Variants in FGD4 observed in about 807,000 individuals in gnomAD.
FGD4 encodes the protein FYVE, RhoGEF and PH domain-containing protein 4.
In FGD4, 42 loss-of-function variants were observed where a neutral mutation model predicts 102.0. That is an observed-to-expected ratio of 0.41 (90% CI 0.32 to 0.53). The LOEUF is 0.53. FGD4 is among the 20% of genes least tolerant of loss of function. The pLI is 0.21. For missense variants in FGD4, 902 were observed against 1,078.2 expected, an observed-to-expected ratio of 0.84 and a Z score of 2.29; for synonymous variants, 380 against 375.7, an observed-to-expected ratio of 1.01 and a Z score of -0.13.
In FGD4 at chr12:32,592,418, GACT is replaced by G. The variant is rs563612834; in HGVS notation, c.1012-6078_1012-6076del. On this transcript the variant is annotated intron_variant, in intron 4 of 16. Coordinates refer to ENST00000534526, the MANE Select transcript of FGD4 (RefSeq NM_001370298.3). ...TTGAAAAGTCAAGCTTTTTTTCTTA[GACT>G]TCAGTAGAAGAAAATGGGATTATAT... Among the ~76,000 whole-genome samples, 65 of 151,508 alleles carry G rather than the reference GACT, an allele frequency of 4.3e-4. 1 individual carries two copies. The South Asian group carries it at 5.4e-3, about 13-fold the overall frequency.
intron 1 of FGD4, among the ~76,000 whole-genome samples, chr12:32,467,051 A>G (rs912141865): frequency 6.6e-6 from 1 of 152,098 alleles, no homozygotes; most frequent in Non-Finnish European, 1.5e-5. Flanking sequence ...TATTTTATTA[A>G]GTAAAAATTC....
chr12:32,417,671 T>C (rs1941471994), intron 1 of FGD4, among the ~76,000 whole-genome samples: 2 of 151,994 alleles, frequency 1.3e-5, no homozygotes, highest in Admixed American at 6.6e-5. Context: ...TTGACCAGGC[T>C]GGTCTCCAAC....
intron 1 of FGD4, among the ~76,000 whole-genome samples, chr12:32,487,657 C>G (rs112595860): frequency 0.16 from 23,672 of 152,140 alleles, 2,046 homozygotes; most frequent in Non-Finnish European, 0.21. Flanking sequence ...GAACTCCGGA[C>G]CTCAAGTGAT....
rs757823878 is a variant in FGD4 at position 32,399,788 on chromosome 12, G to C, written c.-6G>C. 1 of 1,529,938 alleles carries C rather than the reference G, an allele frequency of 6.5e-7. No homozygotes were observed. The highest frequency in any genetic ancestry group is 8.7e-7 in the Non-Finnish European group (1 of 1,145,002). 94.8% of individuals were successfully genotyped at this position (1,529,938 alleles called of 1,614,324 possible). ...GAGTCGGGGAGCGGCGGTCGAGCCC[G>C]GCAGGATGAGCGACGAGGGCGGCTC... On this transcript the variant is annotated 5_prime_UTR_variant, in exon 1 of 17. Transcript: ENST00000534526.
At chr12:32,461,057 T>C (rs1226996914) in intron 1 of FGD4, among the ~76,000 whole-genome samples, 3 of 152,252 alleles carry the variant, frequency 2.0e-5, no homozygotes, top group Non-Finnish European at 4.4e-5. Context: ...AGACATCTTA[T>C]ACATATATGA....
chr12:32,492,360 A>G (rs1305925413), intron 1 of FGD4, among the ~76,000 whole-genome samples: 1 of 152,256 alleles, frequency 6.6e-6, no homozygotes, highest in Non-Finnish European at 1.5e-5. Context: ...TCTTCTGTCA[A>G]AATCATTTCA....
intron 10 of FGD4, among the ~76,000 whole-genome samples, chr12:32,615,095 G>C (rs1416862247): frequency 6.6e-6 from 1 of 152,120 alleles, no homozygotes; most frequent in Non-Finnish European, 1.5e-5. Context: ...TAACTGAATA[G>C]GTAAACAAAA....
Position 32,405,352 on chromosome 12 carries a change from C to T in FGD4, c.166+5393C>T, listed in dbSNP as rs1221855388. The stretch of plus-strand genomic sequence containing the variant: ...TCGGCTCACCACAACCTCCGCCTCC[C>T]GGGTTCAAGCAATTCTCTTGCCTCA... On this transcript the variant is annotated intron_variant, in intron 1 of 16. Coordinates refer to ENST00000534526, the MANE Select transcript of FGD4 (RefSeq NM_001370298.3). 6.6e-5 allele frequency among the ~76,000 whole-genome samples: 10 copies of T among 151,468 alleles called. No individual in the cohort carries two copies. In the East Asian group the frequency reaches 9.7e-4, roughly 15 times the overall value.
At chr12:32,584,260 C>G (rs1946832520) in intron 4 of FGD4, among the ~76,000 whole-genome samples, 1 of 152,206 alleles carries the variant, frequency 6.6e-6, no homozygotes, top group Admixed American at 6.5e-5. Flanking sequence ...GTTAGGATTT[C>G]ATAAGTGTGC....
chr12:32,440,160 A>C (rs1284106412), intron 1 of FGD4, among the ~76,000 whole-genome samples: 1 of 152,134 alleles, frequency 6.6e-6, no homozygotes, highest in East Asian at 1.9e-4. Context: ...AGCTTTATTT[A>C]GTTCATTTGG....
chr12:32,465,978 A>G (rs1233497731), intron 1 of FGD4, among the ~76,000 whole-genome samples: 2 of 152,092 alleles, frequency 1.3e-5, no homozygotes, highest in East Asian at 1.9e-4. Context: ...GTGTCTTGCT[A>G]TGTTGCTCAG....
chr12:32,533,650 C>A (rs1941996569), intron 1 of FGD4, among the ~76,000 whole-genome samples: 1 of 152,202 alleles, frequency 6.6e-6, no homozygotes, highest in Non-Finnish European at 1.5e-5. Context: ...GTTTCGAACT[C>A]CTGACCTCAG....
intron 1 of FGD4, among the ~76,000 whole-genome samples, chr12:32,562,829 G>A (rs1051011969): frequency 6.6e-6 from 1 of 152,156 alleles, no homozygotes; most frequent in African/African-American, 2.4e-5. Flanking sequence ...ACACAGACAC[G>A]GCAACCATCC....
chr12:32,459,084 AT>A (rs1943027347), intron 1 of FGD4, among the ~76,000 whole-genome samples: 1 of 152,004 alleles, frequency 6.6e-6, no homozygotes, highest in African/African-American at 2.4e-5. Context: ...TCAACAACTT[AT>A]TAGAATTAAT....
At chr12:32,602,508 A>T (rs1348374941) in intron 7 of FGD4, among the ~76,000 whole-genome samples, 191 bp downstream of exon 7, 1 of 152,218 alleles carries the variant, frequency 6.6e-6, no homozygotes, top group Non-Finnish European at 1.5e-5. Context: ...CTAAGCAATA[A>T]CTTCTCCATT....
In FGD4 at chr12:32,633,708, TGGATA is replaced by T; in HGVS notation, c.2313+20_2313+24del. The stretch of plus-strand genomic sequence containing the variant: ...TTTAGAGGTAAGAAATATTAAATAT[TGGATA>T]TCTTTTAGATTATTTTTTTCCCAAC... On this transcript the variant is annotated intron_variant, in intron 15 of 16. Coordinates refer to ENST00000534526, the MANE Select transcript of FGD4 (RefSeq NM_001370298.3). 1.3e-6 allele frequency: 2 copies of T among 1,576,010 alleles called. No individual in the cohort carries two copies. The highest frequency in any genetic ancestry group is 1.7e-6 in the Non-Finnish European group (2 of 1,148,968).
chr12:32,621,329 G>T (rs749342886), intron 11 of FGD4, among the ~76,000 whole-genome samples: 1 of 152,130 alleles, frequency 6.6e-6, no homozygotes, highest in Non-Finnish European at 1.5e-5. Context: ...TCCATTTATT[G>T]TTCTAATGCA....
At chr12:32,438,563 A>C (rs1395865960) in intron 1 of FGD4, among the ~76,000 whole-genome samples, 2 of 151,306 alleles carry the variant, frequency 1.3e-5, no homozygotes, top group African/African-American at 4.9e-5. Context: ...TTAATTGTCA[A>C]ATTTTATATA....
At chr12:32,429,356 G>T (rs1421427625) in intron 1 of FGD4, among the ~76,000 whole-genome samples, 1 of 152,170 alleles carries the variant, frequency 6.6e-6, no homozygotes, top group East Asian at 1.9e-4. Context: ...ACCAGTGGAG[G>T]CTTCAGAACA....
Sources: allele counts gnomAD v4.1 joint callset (sites outside exome capture counted in the v4.1 genomes callset), GRCh38; gene constraint gnomAD v4.1.1; transcripts MANE v1.5; gene names NCBI Gene and HGNC (gene_info 2026-07-23, HGNC 2026-07-21).